TCERG1L: variants seen among roughly 807,000 people sequenced by gnomAD.
TCERG1L encodes the protein transcription elongation regulator 1-like protein.
Under a neutral mutation model 56.3 loss-of-function variants are expected in TCERG1L, and 37 were observed. The ratio of observed to expected loss-of-function variants is 0.66; its 90% CI spans 0.51 to 0.87. TCERG1L has a LOEUF of 0.87. TCERG1L is among the 40% of genes least tolerant of loss of function. The pLI, the probability that TCERG1L is intolerant of heterozygous loss-of-function variation, is 0.00. For synonymous variants in TCERG1L, 324 were observed against 326.3 expected (o/e 0.99, Z 0.08); for missense variants, 799 against 774.2 (o/e 1.03, Z -0.38).
intron 4 of TCERG1L, among the ~76,000 whole-genome samples, chr10:131,188,896 C>A (rs1034713861): frequency 6.6e-6 from 1 of 152,174 alleles, no homozygotes; most frequent in African/African-American, 2.4e-5. Flanking sequence ...AGTTATTTTA[C>A]GCATTTTCAG....
At chr10:131,146,298 A>C (rs557841738) in intron 7 of TCERG1L, among the ~76,000 whole-genome samples, 1 of 152,364 alleles carries the variant, frequency 6.6e-6, no homozygotes, top group East Asian at 1.9e-4. Flanking sequence ...ATGCAAAAAG[A>C]CAGCCAGAGC....
chr10:131,105,793 T>C (rs529688529), intron 9 of TCERG1L, among the ~76,000 whole-genome samples: 34 of 152,352 alleles, frequency 2.2e-4, no homozygotes, highest in African/African-American at 7.7e-4. Flanking sequence ...GACTCATGGA[T>C]ACTCAGCCCA....
chr10:131,273,906 G>C (rs567230680), intron 3 of TCERG1L, among the ~76,000 whole-genome samples: 3 of 152,338 alleles, frequency 2.0e-5, no homozygotes, highest in Admixed American at 6.5e-5. Flanking sequence ...AGGAGTGAGA[G>C]AGAAACTATT....
At chr10:131,297,029 G>C (rs1477601323) in intron 3 of TCERG1L, among the ~76,000 whole-genome samples, 1 of 152,258 alleles carries the variant, frequency 6.6e-6, no homozygotes, top group Non-Finnish European at 1.5e-5. Flanking sequence ...TCTGCACATA[G>C]AGACAGTTTT....
chr10:131,143,674 C>T (rs986556824), intron 7 of TCERG1L, among the ~76,000 whole-genome samples: 7 of 152,158 alleles, frequency 4.6e-5, no homozygotes, highest in Admixed American at 1.3e-4. Flanking sequence ...CTGGGAAACG[C>T]GGGCACGGGT....
intron 4 of TCERG1L, among the ~76,000 whole-genome samples, chr10:131,231,404 C>T (rs987253514): frequency 6.6e-6 from 1 of 152,188 alleles, no homozygotes; most frequent in Admixed American, 6.5e-5. Context: ...CCTCCAGAGG[C>T]GAAGGTCGCC....
chr10:131,163,128 G>C lies in TCERG1L; in HGVS notation c.1028C>G (p.Ser343Cys). 6.3e-7 allele frequency: 1 copy of C among 1,575,232 alleles called. No individual in the cohort carries two copies. The highest frequency in any genetic ancestry group is 1.3e-5 in the African/African-American group (1 of 74,220). ...AGGCTTTGGGGTGTCTTACCAGGGG[G>C]ATCCGGGCACCGGGGTGGAGGCCAC... The part of the protein sequence containing the change: ...RPVASTPVPG[S>C]PWCVVWTGDD... Residue 343 changes from serine (S) to cysteine (C), a missense_variant, in exon 6 of 12, where the codon TCC (serine) becomes TGC (cysteine). Transcript: ENST00000368642.
intron 8 of TCERG1L, among the ~76,000 whole-genome samples, chr10:131,134,121 G>A (rs1845649165): frequency 6.6e-6 from 1 of 152,186 alleles, no homozygotes; most frequent in Non-Finnish European, 1.5e-5. Context: ...CAGCAGGGCT[G>A]AGCATGTGGG....
chr10:131,236,865 A>G (rs1483325859), intron 4 of TCERG1L, among the ~76,000 whole-genome samples: 2 of 152,006 alleles, frequency 1.3e-5, no homozygotes, highest in Non-Finnish European at 1.5e-5. Flanking sequence ...AGAATGGACC[A>G]TCCACTGTCC....
intron 5 of TCERG1L, 133 bp downstream of exon 5, chr10:131,166,664 C>G: frequency 1.1e-6 from 1 of 889,850 alleles, no homozygotes; most frequent in Middle Eastern, 3.4e-4. Flanking sequence ...GTGCCAGGTC[C>G]TGCTGCTTCA....
Position 131,111,693 on chromosome 10 carries a change from G to A in TCERG1L, c.1395+5106C>T, listed in dbSNP as rs1003453684. Among the ~76,000 whole-genome samples, 33 of 142,950 alleles carry A rather than the reference G, an allele frequency of 2.3e-4. 5 individuals are homozygous for A. The highest frequency in any genetic ancestry group is 7.4e-4 in the African/African-American group (30 of 40,606). 93.8% of individuals were successfully genotyped at this position (142,950 alleles called of 152,430 possible). A position where few individuals can be genotyped will look rare whatever the true frequency, so the allele number is the denominator to read the frequency against. On this transcript the variant is annotated intron_variant, in intron 9 of 11. Coordinates refer to ENST00000368642, the MANE Select transcript of TCERG1L (RefSeq NM_174937.4). ...CTGACCTTCCCCTCGTCCACGCCCCGTGGGCAGAGGACAGGCTGCGATTAG... is the reference window on the plus strand; with the variant it reads ...CTGACCTTCCCCTCGTCCACGCCCCATGGGCAGAGGACAGGCTGCGATTAG...
At chr10:131,164,392 C>G (rs1041930363) in intron 5 of TCERG1L, among the ~76,000 whole-genome samples, 4 of 152,176 alleles carry the variant, frequency 2.6e-5, no homozygotes, top group South Asian at 2.1e-4. Context: ...GACCGCAGGT[C>G]TTTGTTCAGT....
At chr10:131,146,324 A>C (rs1229290922) in intron 7 of TCERG1L, among the ~76,000 whole-genome samples, 182 bp downstream of exon 7, 1 of 152,216 alleles carries the variant, frequency 6.6e-6, no homozygotes, top group Non-Finnish European at 1.5e-5. Context: ...GCTTGGAAGG[A>C]TCAAGGTTTC....
chr10:131,216,274 T>G (rs1845668074), intron 4 of TCERG1L, among the ~76,000 whole-genome samples: 1 of 152,000 alleles, frequency 6.6e-6, no homozygotes, highest in Admixed American at 6.6e-5. Flanking sequence ...TAAGACAATA[T>G]GGAAGGGTAG....
At chr10:131,158,497 T>G (rs1262900652) in intron 6 of TCERG1L, among the ~76,000 whole-genome samples, 1 of 152,236 alleles carries the variant, frequency 6.6e-6, no homozygotes, top group Non-Finnish European at 1.5e-5. Context: ...GCACATGTGT[T>G]GAGTGGATTC....
chr10:131,148,571 C>A (rs1845827573), intron 6 of TCERG1L, among the ~76,000 whole-genome samples: 1 of 134,358 alleles, frequency 7.4e-6, no homozygotes, highest in East Asian at 2.5e-4. Context: ...CACACATACA[C>A]ACAAATACAG....
At chr10:131,282,157 A>G (rs1054855625) in intron 3 of TCERG1L, among the ~76,000 whole-genome samples, 38 of 151,338 alleles carry the variant, frequency 2.5e-4, no homozygotes, top group Admixed American at 1.5e-3. Flanking sequence ...AAAAAAAAAA[A>G]AAAAGAAAAC....
intron 4 of TCERG1L, among the ~76,000 whole-genome samples, chr10:131,220,946 G>A (rs1041547288): frequency 2.0e-4 from 30 of 152,190 alleles, no homozygotes; most frequent in African/African-American, 7.2e-4. Context: ...GAGCAGCTGG[G>A]CACCTGCGGT....
intron 3 of TCERG1L, among the ~76,000 whole-genome samples, chr10:131,306,102 T>C (rs1846816037): frequency 6.6e-6 from 1 of 152,162 alleles, no homozygotes; most frequent in Non-Finnish European, 1.5e-5. Flanking sequence ...TTAACTTACT[T>C]GGAGCTTACC....
Sources: allele counts gnomAD v4.1 joint callset (sites outside exome capture counted in the v4.1 genomes callset), GRCh38; gene constraint gnomAD v4.1.1; transcripts MANE v1.5; gene names NCBI Gene and HGNC (gene_info 2026-07-23, HGNC 2026-07-21).